RASGRF1: variants seen among roughly 807,000 people sequenced by gnomAD.
RASGRF1 encodes the protein ras-specific guanine nucleotide-releasing factor 1.
RASGRF1 carries 40 observed loss-of-function variants against 138.7 expected under a neutral mutation model. That is an observed-to-expected ratio of 0.29 (90% confidence interval 0.22 to 0.38). The LOEUF (loss-of-function observed/expected upper bound fraction) is 0.38. Ranked by LOEUF, RASGRF1 falls within the 10% of genes least tolerant of loss-of-function variation. The pLI is 1.00. For missense variants in RASGRF1, 1,108 were observed against 1,650.4 expected, an observed-to-expected ratio of 0.67 and a Z score of 5.69; for synonymous variants, 614 against 663.2, an observed-to-expected ratio of 0.93 and a Z score of 1.14.
intron 10 of RASGRF1, among the ~76,000 whole-genome samples, chr15:79,020,973 T>C (rs2056952717): frequency 6.6e-6 from 1 of 152,180 alleles, no homozygotes; most frequent in Non-Finnish European, 1.5e-5. Flanking sequence ...TCACCTGTTG[T>C]GGGGGACACC....
At chr15:79,022,318 T>C (rs2056972159) in intron 10 of RASGRF1, among the ~76,000 whole-genome samples, 2 of 152,056 alleles carry the variant, frequency 1.3e-5, no homozygotes, top group South Asian at 4.2e-4. Flanking sequence ...CGGGTGCCTA[T>C]AATTCCAGCT....
In RASGRF1 at chr15:78,991,719, G is replaced by A; in HGVS notation, c.3103C>T (p.His1035Tyr). The A allele has an allele frequency of 6.2e-7, 1 of 1,614,164 alleles. No individual in the cohort carries two copies. The highest frequency in any genetic ancestry group is 8.5e-7 in the Non-Finnish European group (1 of 1,179,988). The stretch of plus-strand genomic sequence containing the variant: ...TAAGGAATCTTCTTGAAGACGAGGT[G>A]ATCTAGCAGGGTCAGCTGCTCCGCG... Reference protein sequence around the residue: ...EIAEQLTLLDHLVFKKIPYEE... With the variant: ...EIAEQLTLLDYLVFKKIPYEE... Residue 1035 changes from histidine (H) to tyrosine (Y), a missense_variant, in exon 21 of 27, where the codon CAC (histidine) becomes TAC (tyrosine). Transcript: ENST00000558480.
intron 1 of RASGRF1, among the ~76,000 whole-genome samples, chr15:79,088,627 G>T (rs1172268162): frequency 2.6e-5 from 4 of 152,178 alleles, no homozygotes; most frequent in African/African-American, 7.2e-5. Flanking sequence ...GTGATCTAGT[G>T]TAGTGGGTTG....
chr15:79,002,918 C>A (rs2056567768), intron 15 of RASGRF1, among the ~76,000 whole-genome samples: 1 of 152,260 alleles, frequency 6.6e-6, no homozygotes. Context: ...TCTGACCAGC[C>A]CCTGGTTGCA....
intron 2 of RASGRF1, 29 bp from the exon 3 acceptor site, chr15:79,058,510 A>T (rs199503875): frequency 6.2e-7 from 1 of 1,609,864 alleles, no homozygotes; most frequent in East Asian, 2.2e-5. Flanking sequence ...GGCAGGTAAG[A>T]TGCTGACTCC....
chr15:79,066,252 T>C (rs1024111243), intron 1 of RASGRF1, among the ~76,000 whole-genome samples: 3 of 152,154 alleles, frequency 2.0e-5, no homozygotes, highest in African/African-American at 7.2e-5. Context: ...CTGATGAACC[T>C]GAAGCTCAGA....
chr15:79,014,791 C>T (rs1478985981), intron 13 of RASGRF1, among the ~76,000 whole-genome samples: 1 of 152,024 alleles, frequency 6.6e-6, no homozygotes, highest in East Asian at 1.9e-4. Flanking sequence ...GTGGCACACG[C>T]CTGTAGTTCC....
chr15:78,965,359 C>T (rs1322965545), intron 26 of RASGRF1, among the ~76,000 whole-genome samples: 1 of 152,014 alleles, frequency 6.6e-6, no homozygotes, highest in Admixed American at 6.6e-5. Context: ...TTGCCAACAA[C>T]CCCCCTCTTT....
chr15:78,969,212 C>T (rs1028853653), intron 26 of RASGRF1, among the ~76,000 whole-genome samples: 1 of 152,206 alleles, frequency 6.6e-6, no homozygotes, highest in African/African-American at 2.4e-5. Context: ...CAATCCTCTA[C>T]CCCCAAGACC....
chr15:79,027,880 A>G lies in RASGRF1; in HGVS notation c.1263-21T>C. On this transcript the variant is annotated intron_variant, in intron 8 of 26. Transcript: ENST00000558480. The surrounding 1 kb of genome is among the most constrained non-coding windows in gnomAD (Gnocchi z 4.8). ...TTATTCTGTGGGGATGGGAAACTGC[A>G]CAGTCAGAGACAGGCTGCCCCTACT... 6.2e-7 allele frequency: 1 copy of G among 1,611,314 alleles called. No homozygotes were observed. Among genetic ancestry groups the G allele is most frequent in the South Asian group, 1.1e-5 (1 of 91,020 alleles).
rs572428298 is a variant in RASGRF1, at chr15:79,027,947, G to A, written c.1263-88C>T. 1 of 1,331,530 alleles carries A rather than the reference G, an allele frequency of 7.5e-7. No homozygotes were observed. The highest frequency in any genetic ancestry group is 2.3e-5 in the East Asian group (1 of 43,364). 82.5% of individuals were successfully genotyped at this position (1,331,530 alleles called of 1,614,324 possible). On this transcript the variant is annotated intron_variant, in intron 8 of 26. Transcript: ENST00000558480. The surrounding 1 kb of genome is among the most constrained non-coding windows in gnomAD (Gnocchi z 4.8). ...ATGCCAGGCTTCTGGCCAGACCTAGGAAGAAAGCCTGGCACAAGGATTCTC... is the reference window on the plus strand; with the variant it reads ...ATGCCAGGCTTCTGGCCAGACCTAGAAAGAAAGCCTGGCACAAGGATTCTC...
chr15:79,020,153 G>A, intron 10 of RASGRF1, 49 bp from the exon 11 acceptor site: 1 of 1,564,714 alleles, frequency 6.4e-7, no homozygotes, highest in Non-Finnish European at 8.8e-7. Context: ...TAGATATGCT[G>A]GTTTAGGAGT....
Position 79,032,401 on chromosome 15 carries a change from C to T in RASGRF1, c.959-85G>A, listed in dbSNP as rs761225456. On this transcript the variant is annotated intron_variant, in intron 6 of 26. Coordinates refer to ENST00000558480, the MANE Select transcript of RASGRF1 (RefSeq NM_001145648.3). The surrounding 1 kb of genome is among the most constrained non-coding windows in gnomAD (Gnocchi z 4.5). ...AGGCCCTTGGCTCCCCCAGCTACAC[C>T]CAGAGAGGCCAGGGGCCAGGTTCAA... is the stretch of plus-strand genomic sequence containing the variant. 1 of 1,349,634 alleles carries T rather than the reference C, an allele frequency of 7.4e-7. No individual in the cohort carries two copies. The highest frequency in any genetic ancestry group is 1.0e-6 in the Non-Finnish European group (1 of 971,282). 83.6% of individuals were successfully genotyped at this position (1,349,634 alleles called of 1,614,324 possible).
At chr15:79,088,088 G>A (rs1456875510) in intron 1 of RASGRF1, among the ~76,000 whole-genome samples, 1 of 152,182 alleles carries the variant, frequency 6.6e-6, no homozygotes, top group African/African-American at 2.4e-5. Context: ...AGAGTTGGAT[G>A]ATTTGAAATC....
At chr15:78,981,441 C>T (rs1436746669) in intron 23 of RASGRF1, 2 of 152,234 alleles carry the variant, frequency 1.3e-5, no homozygotes, top group African/African-American at 2.4e-5. Flanking sequence ...TTAGAGACTT[C>T]CTTTGCAGCT....
chr15:78,979,447 C>T (rs554825146), intron 24 of RASGRF1: 14 of 202,980 alleles, frequency 6.9e-5, no homozygotes, highest in African/African-American at 2.3e-4. Flanking sequence ...CACCAGGAAG[C>T]GGGGAGAGGC....
chr15:78,982,387 T>G (rs900302393), intron 23 of RASGRF1, among the ~76,000 whole-genome samples: 1 of 152,200 alleles, frequency 6.6e-6, no homozygotes, highest in African/African-American at 2.4e-5. Flanking sequence ...TGGGTTGTCA[T>G]GCTGTCTCCA....
chr15:78,993,100 G>A (rs2056306496), intron 20 of RASGRF1, among the ~76,000 whole-genome samples: 1 of 147,360 alleles, frequency 6.8e-6, no homozygotes, highest in African/African-American at 2.5e-5. Flanking sequence ...TGTATGGGGT[G>A]TTTGTGGTGT....
In RASGRF1 at chr15:79,015,190, C is replaced by T. The variant is rs2056861347; in HGVS notation, c.1826+137G>A. The T allele has an allele frequency of 8.0e-6, 6 of 745,672 alleles. No homozygotes were observed. The South Asian group carries it at 1.2e-4, about 15-fold the overall frequency. 46.2% of individuals were successfully genotyped at this position (745,672 alleles called of 1,614,324 possible). On this transcript the variant is annotated intron_variant, in intron 13 of 26. Transcript: ENST00000558480. ...AACTCAAAACAAACAAACAAGAAAA[C>T]ATCCAAAACACCCCCAAAGACAAAG...
Sources: allele counts gnomAD v4.1 joint callset (sites outside exome capture counted in the v4.1 genomes callset), GRCh38; gene constraint gnomAD v4.1.1; non-coding constraint Gnocchi (gnomAD v3.1); transcripts MANE v1.5; gene names NCBI Gene and HGNC (gene_info 2026-07-23, HGNC 2026-07-21).